Variants in MACROD2 observed in about 807,000 individuals in gnomAD.
MACROD2 encodes ADP-ribose glycohydrolase MACROD2.
A neutral mutation model predicts 70.4 loss-of-function variants in MACROD2; 36 were observed. That is an observed-to-expected ratio of 0.51 (90% CI 0.39 to 0.68). The LOEUF (loss-of-function observed/expected upper bound fraction) is 0.68. MACROD2 is among the 30% of genes least tolerant of loss of function. MACROD2 has a pLI of 0.00. For missense variants in MACROD2, 496 were observed against 538.4 expected, an observed-to-expected ratio of 0.92 and a Z score of 0.78; for synonymous variants, 172 against 178.8, an observed-to-expected ratio of 0.96 and a Z score of 0.30.
chr20:16,043,934 A>ACCAG (rs1449601246), intron 16 of MACROD2, among the ~76,000 whole-genome samples: 1 of 152,024 alleles, frequency 6.6e-6, no homozygotes, highest in Non-Finnish European at 1.5e-5. Context: ...TCAACCCAAA[A>ACCAG]ATCTGGTCTG....
At chr20:15,317,760 T>A (rs2077829461) in intron 6 of MACROD2, among the ~76,000 whole-genome samples, 1 of 149,624 alleles carries the variant, frequency 6.7e-6, no homozygotes, top group Admixed American at 6.6e-5. Context: ...AGGGTTTCTT[T>A]TTATTTAGTT....
intron 8 of MACROD2, among the ~76,000 whole-genome samples, chr20:15,562,225 TC>T (rs1391951970): frequency 6.6e-6 from 1 of 152,086 alleles, no homozygotes; most frequent in African/African-American, 2.4e-5. Context: ...TCTAGCTCTG[TC>T]CATCTTGGAG....
intron 5 of MACROD2, among the ~76,000 whole-genome samples, chr20:14,852,265 G>T (rs1054578642): frequency 6.6e-6 from 1 of 152,026 alleles, no homozygotes; most frequent in African/African-American, 2.4e-5. Flanking sequence ...AATCAAAGAG[G>T]CCCCCACAGT....
rs897129738 is a variant in MACROD2 at position 15,964,452 on chromosome 20, T to G, written c.908-3101T>G. 2.0e-5 allele frequency among the ~76,000 whole-genome samples: 3 copies of G among 152,274 alleles called. No individual in the cohort carries two copies. The South Asian group carries it at 6.2e-4, about 32-fold the overall frequency. On this transcript the variant is annotated intron_variant, in intron 12 of 17. Coordinates refer to ENST00000684519, the MANE Select transcript of MACROD2 (RefSeq NM_001351661.2). Reference sequence around the variant, plus strand: ...TTTTTAAATCTTTTTATAAGGGTACTAATCTCATTCATGAAGCCTCCACCT... The same window carrying G: ...TTTTTAAATCTTTTTATAAGGGTACGAATCTCATTCATGAAGCCTCCACCT...
chr20:14,563,878 C>A (rs1254274235), intron 4 of MACROD2, among the ~76,000 whole-genome samples: 1 of 151,858 alleles, frequency 6.6e-6, no homozygotes, highest in African/African-American at 2.4e-5. Flanking sequence ...CAAAAAAGAA[C>A]CTGAATAGTG....
At chr20:15,246,585 G>A (rs548639479) in intron 6 of MACROD2, among the ~76,000 whole-genome samples, 3 of 152,196 alleles carry the variant, frequency 2.0e-5, no homozygotes, top group East Asian at 3.9e-4. Context: ...GGGTTAATGA[G>A]GATATTAAAA....
chr20:14,888,607 A>G (rs564599031), intron 5 of MACROD2: 1 of 152,314 alleles, frequency 6.6e-6, no homozygotes, highest in Non-Finnish European at 1.5e-5. Context: ...ATTAATTTTA[A>G]GCACACATCC....
At chr20:15,021,124 G>GTATA (rs144666369) in intron 5 of MACROD2, among the ~76,000 whole-genome samples, 1 of 99,906 alleles carries the variant, frequency 1.0e-5, no homozygotes, top group Non-Finnish European at 2.1e-5. Context: ...GTATACACGT[G>GTATA]TGTATACACA....
At chr20:16,047,039 A>C (rs997427358) in intron 17 of MACROD2, among the ~76,000 whole-genome samples, 1 of 152,162 alleles carries the variant, frequency 6.6e-6, no homozygotes, top group Non-Finnish European at 1.5e-5. Context: ...GCACAGGGTC[A>C]CCTGGCTAAT....
chr20:15,578,692 G>A (rs1190825433), intron 8 of MACROD2, among the ~76,000 whole-genome samples: 3 of 23,810 alleles, frequency 1.3e-4, no homozygotes, highest in Admixed American at 1.6e-3. Context: ...CTAGGGTGTC[G>A]ATAATATTAT....
chr20:15,037,579 G>A (rs557039672), intron 5 of MACROD2, among the ~76,000 whole-genome samples: 19 of 152,150 alleles, frequency 1.2e-4, no homozygotes, highest in Non-Finnish European at 2.4e-4. Flanking sequence ...ATTGGAGATA[G>A]AGTCTTAAAG....
At chr20:14,472,209 A>G (rs914482467) in intron 3 of MACROD2, among the ~76,000 whole-genome samples, 4 of 152,158 alleles carry the variant, frequency 2.6e-5, no homozygotes, top group African/African-American at 7.2e-5. Flanking sequence ...AATCTGTTCA[A>G]TCTTTGTGAG....
chr20:15,582,420 G>C (rs1171897778), intron 8 of MACROD2, among the ~76,000 whole-genome samples: 1 of 152,150 alleles, frequency 6.6e-6, no homozygotes, highest in Non-Finnish European at 1.5e-5. Flanking sequence ...TGCCTTCCAA[G>C]CTCTTGGCAT....
At chr20:14,896,141 A>T (rs1173887926) in intron 5 of MACROD2, among the ~76,000 whole-genome samples, 1 of 152,082 alleles carries the variant, frequency 6.6e-6, no homozygotes, top group Non-Finnish European at 1.5e-5. Flanking sequence ...CTAAAAATAC[A>T]AAAATTAGCT....
intron 8 of MACROD2, among the ~76,000 whole-genome samples, chr20:15,735,774 T>A (rs1480508121): frequency 6.6e-6 from 1 of 152,220 alleles, no homozygotes; most frequent in Non-Finnish European, 1.5e-5. Context: ...ACAAACTGAC[T>A]ACCCAGGTCT....
intron 5 of MACROD2, among the ~76,000 whole-genome samples, chr20:15,145,684 C>T (rs984637138): frequency 6.6e-6 from 1 of 152,104 alleles, no homozygotes; most frequent in African/African-American, 2.4e-5. Flanking sequence ...ATTACCACGA[C>T]ATTTAAATTG....
In MACROD2 at chr20:16,018,826, C is replaced by G. The variant is rs77540881; in HGVS notation, c.1154-22375C>G. Among the ~76,000 whole-genome samples, 11 of 152,268 alleles carry G rather than the reference C, an allele frequency of 7.2e-5. No individual in the cohort carries two copies. In the East Asian group the frequency reaches 2.1e-3, roughly 29 times the overall value. On this transcript the variant is annotated intron_variant, in intron 15 of 17. Coordinates refer to ENST00000684519, the MANE Select transcript of MACROD2 (RefSeq NM_001351661.2). ...GAAATAATTGTTGCCCCCCTTCAAG[C>G]CACCATATTTTCCTTTGTGGCTAGG...
At chr20:14,872,301 C>T (rs950624782) in intron 5 of MACROD2, among the ~76,000 whole-genome samples, 2 of 152,044 alleles carry the variant, frequency 1.3e-5, no homozygotes, top group African/African-American at 4.8e-5. Context: ...TTTTTATGGG[C>T]TAAACCTCAG....
At chr20:14,573,866 C>T (rs978399774) in intron 4 of MACROD2, among the ~76,000 whole-genome samples, 2 of 152,102 alleles carry the variant, frequency 1.3e-5, no homozygotes, top group South Asian at 2.1e-4. Flanking sequence ...CAAGCTAGGA[C>T]GGGTTCCAGA....
Sources: allele counts gnomAD v4.1 joint callset (sites outside exome capture counted in the v4.1 genomes callset), GRCh38; gene constraint gnomAD v4.1.1; transcripts MANE v1.5; gene names NCBI Gene and HGNC (gene_info 2026-07-23, HGNC 2026-07-21).